RBFOX1: variants seen among roughly 807,000 people sequenced by gnomAD.
The protein encoded by RBFOX1 is RNA binding protein fox-1 homolog 1.
RBFOX1 carries 8 observed loss-of-function variants against 57.7 expected under a neutral mutation model. That is an observed-to-expected ratio of 0.14 (90% CI 0.08 to 0.25). The LOEUF is 0.25. RBFOX1 is among the 10% of genes least tolerant of loss of function. RBFOX1 has a pLI of 1.00. For missense variants in RBFOX1, 611 were observed against 548.5 expected, an observed-to-expected ratio of 1.11 and a Z score of -1.14; for synonymous variants, 326 against 222.4, an observed-to-expected ratio of 1.47 and a Z score of -4.15.
Position 7,393,610 on chromosome 16 carries a change from G to C in RBFOX1, c.28-124537G>C, listed in dbSNP as rs57906052. Among the ~76,000 whole-genome samples the C allele has an allele frequency of 9.2e-5, 14 of 152,100 alleles. No individual in the cohort carries two copies. The South Asian group carries it at 2.9e-3, about 32-fold the overall frequency. On this transcript the variant is annotated intron_variant, in intron 4 of 15. Coordinates refer to ENST00000550418, the MANE Select transcript of RBFOX1 (RefSeq NM_018723.4). ...AATGAATCAGGATAAGGCAGAGGAA[G>C]GTATGGTTTCAGGGGGAAACATAGC... is the stretch of plus-strand genomic sequence containing the variant.
At chr16:6,251,835 C>T (rs1047004699) in intron 1 of RBFOX1, among the ~76,000 whole-genome samples, 6 of 152,162 alleles carry the variant, frequency 3.9e-5, no homozygotes, top group Admixed American at 6.5e-5. Context: ...CAGAGATTTA[C>T]GTCCAGTCTG....
At chr16:5,631,467 G>A (rs184486631) in intron 3 of RBFOX1, among the ~76,000 whole-genome samples, 3 of 151,780 alleles carry the variant, frequency 2.0e-5, no homozygotes, top group African/African-American at 7.3e-5. Context: ...TGAGGCAGGA[G>A]AATCTCTTGA....
chr16:7,651,179 G>A (rs116423831), intron 11 of RBFOX1, among the ~76,000 whole-genome samples: 139 of 152,290 alleles, frequency 9.1e-4, no homozygotes, highest in African/African-American at 3.2e-3. Flanking sequence ...AGAAAGATGC[G>A]GTAGAATCCA....
chr16:5,555,761 C>T (rs1334608510), intron 2 of RBFOX1, among the ~76,000 whole-genome samples: 3 of 152,060 alleles, frequency 2.0e-5, no homozygotes, highest in Admixed American at 1.3e-4. Flanking sequence ...GTGGCTCATG[C>T]CTGTAATCCC....
intron 3 of RBFOX1, among the ~76,000 whole-genome samples, chr16:7,040,938 A>T (rs900494270): frequency 7.0e-6 from 1 of 143,572 alleles, no homozygotes; most frequent in African/African-American, 2.6e-5. Flanking sequence ...TGGGGGGGGA[A>T]GGAGTCTTGC....
At chr16:5,252,547 C>A (rs1596309598) in intron 1 of RBFOX1, among the ~76,000 whole-genome samples, 1 of 152,152 alleles carries the variant, frequency 6.6e-6, no homozygotes, top group East Asian at 1.9e-4. Context: ...CAGAGAAGAT[C>A]CTCTTGGGCT....
In RBFOX1 at chr16:7,440,709, G is replaced by C. The variant is rs1278629105; in HGVS notation, c.28-77438G>C. The stretch of plus-strand genomic sequence containing the variant: ...AGTACTGATAAAGTTGAGCTTTTCT[G>C]TTTAGGGCTGGGGAGGAGGGAAGAA... On this transcript the variant is annotated intron_variant, in intron 4 of 15. Transcript: ENST00000550418. Among the ~76,000 whole-genome samples, 16 of 152,270 alleles carry C rather than the reference G, an allele frequency of 1.1e-4. No homozygotes were observed. The East Asian group carries it at 2.9e-3, about 28-fold the overall frequency.
At chr16:6,522,652 A>C (rs1462280917) in intron 2 of RBFOX1, among the ~76,000 whole-genome samples, 1 of 152,150 alleles carries the variant, frequency 6.6e-6, no homozygotes, top group Non-Finnish European at 1.5e-5. Flanking sequence ...TACCGGGGTT[A>C]ATACTAATAA....
intron 3 of RBFOX1, among the ~76,000 whole-genome samples, chr16:5,742,646 C>T (rs561511889): frequency 1.3e-5 from 2 of 152,284 alleles, no homozygotes; most frequent in East Asian, 3.9e-4. Context: ...GCAATTAATG[C>T]TCAACTAGGC....
intron 2 of RBFOX1, among the ~76,000 whole-genome samples, chr16:6,486,356 G>A (rs565850599): frequency 6.6e-6 from 1 of 151,800 alleles, no homozygotes; most frequent in Non-Finnish European, 1.5e-5. Flanking sequence ...TTTTATATTA[G>A]ATTTTGAGCA....
In RBFOX1 at chr16:6,381,106, A is replaced by G. The variant is rs73532326; in HGVS notation, c.-64+64049A>G. 4.9e-3 allele frequency among the ~76,000 whole-genome samples: 740 copies of G among 152,268 alleles called. 12 individuals carry two copies. The highest frequency in any genetic ancestry group is 0.016 in the African/African-American group (684 of 41,558). Reference sequence around the variant, plus strand: ...TTTGGGAAGTTTTTGGAGGAAATCAAATGGGAGACAAAAGAATTTGTCTGA... The same window carrying G: ...TTTGGGAAGTTTTTGGAGGAAATCAGATGGGAGACAAAAGAATTTGTCTGA... On this transcript the variant is annotated intron_variant, in intron 2 of 15. Coordinates refer to ENST00000550418, the MANE Select transcript of RBFOX1 (RefSeq NM_018723.4).
intron 4 of RBFOX1, among the ~76,000 whole-genome samples, chr16:7,257,769 T>G (rs1008494576): frequency 6.6e-6 from 1 of 152,192 alleles, no homozygotes; most frequent in Non-Finnish European, 1.5e-5. Context: ...CTCTGCAGAT[T>G]TGAATGGAAG....
intron 2 of RBFOX1, among the ~76,000 whole-genome samples, chr16:6,523,397 C>G (rs2096535648): frequency 6.6e-6 from 1 of 152,130 alleles, no homozygotes; most frequent in Admixed American, 6.6e-5. Flanking sequence ...TTGATTGTGT[C>G]TATGAACTTG....
chr16:7,569,653 A>G (rs1343093241), intron 5 of RBFOX1, among the ~76,000 whole-genome samples: 2 of 152,206 alleles, frequency 1.3e-5, no homozygotes, highest in Non-Finnish European at 2.9e-5. Flanking sequence ...TTAAGGGGTC[A>G]TTATGTTGTT....
intron 3 of RBFOX1, among the ~76,000 whole-genome samples, chr16:7,045,471 T>C (rs1597924995): frequency 1.3e-5 from 2 of 152,296 alleles, no homozygotes; most frequent in Middle Eastern, 6.8e-3. Flanking sequence ...TTTCCTTGGC[T>C]ACTGTTGGAT....
intron 3 of RBFOX1, among the ~76,000 whole-genome samples, chr16:7,014,392 T>C (rs992879327): frequency 6.6e-6 from 1 of 151,838 alleles, no homozygotes; most frequent in African/African-American, 2.4e-5. Flanking sequence ...TTTATTTTTA[T>C]TTTTTTGTTT....
chr16:6,445,128 G>A (rs1279446047), intron 2 of RBFOX1, among the ~76,000 whole-genome samples: 1 of 152,142 alleles, frequency 6.6e-6, no homozygotes, highest in Non-Finnish European at 1.5e-5. Context: ...CTAGATGTTA[G>A]ACTTGGGATG....
intron 4 of RBFOX1, among the ~76,000 whole-genome samples, chr16:5,879,708 G>A (rs1423992331): frequency 6.6e-6 from 1 of 152,176 alleles, no homozygotes; most frequent in African/African-American, 2.4e-5. Flanking sequence ...AATCTCAATG[G>A]CCTACCCAAA....
Position 5,698,715 on chromosome 16 carries a change from T to G in RBFOX1, c.318+99754T>G, listed in dbSNP as rs185783639. Among the ~76,000 whole-genome samples the G allele has an allele frequency of 3.6e-3, 549 of 152,292 alleles. 3 individuals are homozygous for G. The highest frequency in any genetic ancestry group is 0.024 in the Middle Eastern group (7 of 294). On this transcript the variant is annotated intron_variant, in intron 3 of 19. Coordinates refer to the RBFOX1 transcript ENST00000641259. Reference sequence around the variant, plus strand: ...GCAACCCAAATGTCTATTAACTGATTAATGAATAATCAAAACATGGTATGT... The same window carrying G: ...GCAACCCAAATGTCTATTAACTGATGAATGAATAATCAAAACATGGTATGT...
Sources: allele counts gnomAD v4.1 joint callset (sites outside exome capture counted in the v4.1 genomes callset), GRCh38; gene constraint gnomAD v4.1.1; transcripts MANE v1.5; gene names NCBI Gene and HGNC (gene_info 2026-07-23, HGNC 2026-07-21).